CDYL2: variants seen among roughly 807,000 people sequenced by gnomAD.
CDYL2 encodes the protein chromodomain Y-like protein 2.
CDYL2 carries 23 observed loss-of-function variants against 49.4 expected under a neutral mutation model. That is an observed-to-expected ratio of 0.47 (90% CI 0.34 to 0.66). The LOEUF is 0.66. Among genes scored for constraint, CDYL2 ranks in the 30% least tolerant of loss-of-function variants. The pLI, the probability that CDYL2 is intolerant of heterozygous loss-of-function variation, is 0.01. For synonymous variants in CDYL2, 360 were observed against 268.8 expected (o/e 1.34, Z -3.32); for missense variants, 678 against 656.4 (o/e 1.03, Z -0.36).
At chr16:80,774,289 G>C (rs1907006792) in intron 1 of CDYL2, among the ~76,000 whole-genome samples, 1 of 151,884 alleles carries the variant, frequency 6.6e-6, no homozygotes, top group African/African-American at 2.4e-5. Context: ...ATGCTAATAA[G>C]CCAGGCGCTG....
At chr16:80,674,237 C>T (rs1456180553) in intron 2 of CDYL2, among the ~76,000 whole-genome samples, 2 of 152,152 alleles carry the variant, frequency 1.3e-5, no homozygotes, top group African/African-American at 4.8e-5. Context: ...TTCTGTGACA[C>T]TTGGACTAAC....
intron 2 of CDYL2, among the ~76,000 whole-genome samples, chr16:80,679,189 C>T (rs1909875543): frequency 1.3e-5 from 2 of 151,582 alleles, no homozygotes; most frequent in Non-Finnish European, 2.9e-5. Context: ...GTGCATTGTG[C>T]CAGCATGTCA....
At chr16:80,770,207 T>C (rs943035828) in intron 1 of CDYL2, among the ~76,000 whole-genome samples, 2 of 152,176 alleles carry the variant, frequency 1.3e-5, no homozygotes, top group African/African-American at 2.4e-5. Flanking sequence ...AATAAAGTAA[T>C]AATCAATCAT....
rs1431871960 is a variant in CDYL2 at position 80,608,137 on chromosome 16, C to T, written c.1317G>A (p.Gln439=). 1 of 1,605,770 alleles carries T rather than the reference C, an allele frequency of 6.2e-7. No individual in the cohort carries two copies. Among genetic ancestry groups the T allele is most frequent in the African/African-American group, 1.3e-5 (1 of 74,918 alleles). The part of the protein sequence containing the change: ...SQVFWPTTFS[Q]EVMLRVKEMA... ...TCTCCTTGACCCGCAGCATGACCTC[C>T]TGGCTGAACGTGGTGGGCCAGAAGA... The change falls in exon 6 of 7, where the codon CAG becomes CAA. Residue 439 remains glutamine (Q), a synonymous_variant. Transcript: ENST00000570137.
intron 1 of CDYL2, among the ~76,000 whole-genome samples, chr16:80,702,814 C>T (rs1012244011): frequency 7.2e-5 from 11 of 152,178 alleles, no homozygotes; most frequent in Admixed American, 1.3e-4. Flanking sequence ...CACAAAATGC[C>T]GCAGCCAACA....
chr16:80,741,295 T>C (rs916413451), intron 1 of CDYL2, among the ~76,000 whole-genome samples: 2 of 151,770 alleles, frequency 1.3e-5, no homozygotes, highest in Non-Finnish European at 2.9e-5. Flanking sequence ...ATAAAATGCC[T>C]ACCTTATATC....
rs16953651 is a variant in CDYL2 at position 80,615,582 on chromosome 16, C to T, written c.1008-2746G>A. Reference sequence around the variant, plus strand: ...GGGTCTCCTGTAAGCCTCTCTGATACTGTTGCCACCTCAGCTCCATCAACC... The same window carrying T: ...GGGTCTCCTGTAAGCCTCTCTGATATTGTTGCCACCTCAGCTCCATCAACC... On this transcript the variant is annotated intron_variant, in intron 4 of 6. Coordinates refer to ENST00000570137, the MANE Select transcript of CDYL2 (RefSeq NM_152342.4). Among the ~76,000 whole-genome samples, 1,344 of 152,276 alleles carry T rather than the reference C, an allele frequency of 8.8e-3. 23 individuals are homozygous for T. The highest frequency in any genetic ancestry group is 0.031 in the African/African-American group (1,287 of 41,558).
intron 1 of CDYL2, among the ~76,000 whole-genome samples, chr16:80,692,554 A>T (rs966528020): frequency 2.6e-5 from 4 of 152,228 alleles, no homozygotes; most frequent in African/African-American, 9.6e-5. Flanking sequence ...AATACATATT[A>T]GGATTAATGC....
chr16:80,761,626 G>C (rs1254764059), intron 1 of CDYL2, among the ~76,000 whole-genome samples: 2 of 152,124 alleles, frequency 1.3e-5, no homozygotes, highest in Non-Finnish European at 2.9e-5. Context: ...ATAGATCTGA[G>C]AGAGGCCAGG....
chr16:80,692,830 A>C (rs915734818), intron 1 of CDYL2, among the ~76,000 whole-genome samples: 1 of 152,214 alleles, frequency 6.6e-6, no homozygotes. Flanking sequence ...GTATATTGAC[A>C]AAACAATTAC....
At chr16:80,673,890 GAGA>G (rs1031129292) in intron 2 of CDYL2, among the ~76,000 whole-genome samples, 1 of 152,212 alleles carries the variant, frequency 6.6e-6, no homozygotes, top group Non-Finnish European at 1.5e-5. Context: ...TTGGAGTCAA[GAGA>G]AGGAGATGTG....
chr16:80,650,953 G>C lies in CDYL2; in HGVS notation c.617-17717C>G, dbSNP rs1280717049. Among the ~76,000 whole-genome samples the C allele has an allele frequency of 5.8e-5, 7 of 121,504 alleles. No homozygotes were observed. In the East Asian group the frequency reaches 1.7e-3, roughly 30 times the overall value. The allele number at this position is 121,504 out of a possible 152,430, so 79.7% of individuals were successfully genotyped here. A position where few individuals can be genotyped will look rare whatever the true frequency, so the allele number is the denominator to read the frequency against. ...GCTCATAGAAATACAGAAGAGGACA[G>C]TTACCAGGGGCTGGGAAGGGCGGGG... is the stretch of plus-strand genomic sequence containing the variant. On this transcript the variant is annotated intron_variant, in intron 2 of 6. Coordinates refer to ENST00000570137, the MANE Select transcript of CDYL2 (RefSeq NM_152342.4).
rs115287960 is a variant in CDYL2, at chr16:80,616,938, C to T, written c.1007+3825G>A. On this transcript the variant is annotated intron_variant, in intron 4 of 6. Coordinates refer to ENST00000570137, the MANE Select transcript of CDYL2 (RefSeq NM_152342.4). ...GAGATCCATGACATACCCAAAGCTC[C>T]ACCACCAGCAAGTGCAGAGGCAGCT... Among the ~76,000 whole-genome samples the T allele has an allele frequency of 4.5e-3, 679 of 152,304 alleles. 5 individuals are homozygous for T. The highest frequency in any genetic ancestry group is 0.015 in the African/African-American group (642 of 41,554).
intron 2 of CDYL2, among the ~76,000 whole-genome samples, chr16:80,637,053 G>A (rs1344128878): frequency 6.6e-6 from 1 of 152,202 alleles, no homozygotes; most frequent in East Asian, 1.9e-4. Flanking sequence ...GGGCTTGTCT[G>A]GGGGTGGAGT....
chr16:80,700,071 G>T (rs576821617), intron 1 of CDYL2, among the ~76,000 whole-genome samples: 3 of 152,134 alleles, frequency 2.0e-5, no homozygotes, highest in Non-Finnish European at 1.5e-5. Flanking sequence ...ATGTTAGCCA[G>T]GATGGTCTCG....
At chr16:80,633,342 G>A in intron 2 of CDYL2, 106 bp from the exon 3 acceptor site, 1 of 1,114,942 alleles carries the variant, frequency 9.0e-7, no homozygotes. Flanking sequence ...TGGATGTGCT[G>A]GGACACACCA....
chr16:80,804,138 G>A lies in CDYL2; in HGVS notation c.24+12C>T. 1.7e-6 allele frequency: 2 copies of A among 1,183,496 alleles called. No homozygotes were observed. Among genetic ancestry groups the A allele is most frequent in the Non-Finnish European group, 1.1e-6 (1 of 928,130 alleles). The allele number at this position is 1,183,496 out of a possible 1,614,324, so 73.3% of individuals were successfully genotyped here. ...CTGACTGGGGCCGGCCCGCGCCCCCGCGTCCCCGTACCTCGTAAAGGTCCC... is the reference window on the plus strand; with the variant it reads ...CTGACTGGGGCCGGCCCGCGCCCCCACGTCCCCGTACCTCGTAAAGGTCCC... On this transcript the variant is annotated intron_variant, in intron 1 of 6. Transcript: ENST00000570137.
chr16:80,787,752 A>G (rs191810109), intron 1 of CDYL2, among the ~76,000 whole-genome samples: 84 of 152,314 alleles, frequency 5.5e-4, no homozygotes, highest in African/African-American at 1.6e-3. Context: ...ATAGTTTTAT[A>G]TATCTCTTTC....
intron 1 of CDYL2, among the ~76,000 whole-genome samples, chr16:80,752,744 G>C (rs1341675949): frequency 6.6e-6 from 1 of 152,218 alleles, no homozygotes; most frequent in Non-Finnish European, 1.5e-5. Flanking sequence ...CTCTGTCAGT[G>C]TTTGCTGATT....
Sources: allele counts gnomAD v4.1 joint callset (sites outside exome capture counted in the v4.1 genomes callset), GRCh38; gene constraint gnomAD v4.1.1; transcripts MANE v1.5; gene names NCBI Gene and HGNC (gene_info 2026-07-23, HGNC 2026-07-21).